The following ANGPT1 variants were observed in gnomAD, a reference collection of about 807,000 sequenced individuals.
ANGPT1 encodes the protein angiopoietin-1.
A neutral mutation model predicts 62.2 loss-of-function variants in ANGPT1; 17 were observed. The ratio of observed to expected loss-of-function variants is 0.27; its 90% confidence interval spans 0.19 to 0.41. The LOEUF (loss-of-function observed/expected upper bound fraction) is 0.41, where lower values mean the gene tolerates loss of function less well. Among genes scored for constraint, ANGPT1 ranks in the 10% least tolerant of loss-of-function variants. The pLI is 1.00. For synonymous variants in ANGPT1, 199 were observed against 198.9 expected (o/e 1.00, Z 0.00); for missense variants, 478 against 594.9 (o/e 0.80, Z 2.04).
At chr8:107,339,999 C>T (rs530916678) in intron 2 of ANGPT1, among the ~76,000 whole-genome samples, 8 of 152,274 alleles carry the variant, frequency 5.3e-5, no homozygotes, top group African/African-American at 1.7e-4. Context: ...ATCACCTTGA[C>T]CCCATTGCTG....
chr8:107,268,416 G>GTT lies in ANGPT1; in HGVS notation c.1206-4066_1206-4065insAA, dbSNP rs71888116. ...AATACACATGTAGGGTTGTGTGTGTGTGTGTGTGTGTGTGTGTGTGTGTGT... is the reference window on the plus strand; with the variant it reads ...AATACACATGTAGGGTTGTGTGTGTGTTTGTGTGTGTGTGTGTGTGTGTGTGT... On this transcript the variant is annotated intron_variant, in intron 7 of 8. Transcript: ENST00000517746. 2.9e-3 allele frequency among the ~76,000 whole-genome samples: 438 copies of GTT among 151,510 alleles called. 3 individuals carry two copies. Among genetic ancestry groups the GTT allele is most frequent in the African/African-American group, 8.1e-3 (337 of 41,354 alleles).
At chr8:107,305,165 T>C (rs1473978292) in intron 4 of ANGPT1, among the ~76,000 whole-genome samples, 1 of 151,910 alleles carries the variant, frequency 6.6e-6, no homozygotes, top group Non-Finnish European at 1.5e-5. Flanking sequence ...TGTTGGAAAG[T>C]TGAAAATAAG....
intron 3 of ANGPT1, among the ~76,000 whole-genome samples, chr8:107,333,982 G>GA (rs1563573914): frequency 7.3e-4 from 56 of 76,932 alleles, no homozygotes; most frequent in South Asian, 2.5e-3. Flanking sequence ...AGGAGGGAGG[G>GA]AGGGAGGGAG....
At chr8:107,453,459 G>A (rs1338065441) in intron 1 of ANGPT1, among the ~76,000 whole-genome samples, 3 of 151,870 alleles carry the variant, frequency 2.0e-5, no homozygotes, top group African/African-American at 7.3e-5. Context: ...GATGGCAGCA[G>A]GCAAAGAGAG....
At chr8:107,429,986 G>A (rs1178927254) in intron 1 of ANGPT1, among the ~76,000 whole-genome samples, 1 of 143,274 alleles carries the variant, frequency 7.0e-6, no homozygotes, top group African/African-American at 2.5e-5. Flanking sequence ...TGTCATGTGG[G>A]TGATTTTTCA....
chr8:107,312,762 C>A (rs1333909606), intron 4 of ANGPT1, among the ~76,000 whole-genome samples: 1 of 152,048 alleles, frequency 6.6e-6, no homozygotes, highest in Non-Finnish European at 1.5e-5. Context: ...GGATACCAGG[C>A]AAACTCTAAG....
At chr8:107,276,185 G>A (rs1813861592) in intron 7 of ANGPT1, among the ~76,000 whole-genome samples, 1 of 152,008 alleles carries the variant, frequency 6.6e-6, no homozygotes, top group Admixed American at 6.6e-5. Context: ...TCTGTTTTAG[G>A]AAGTAACCAC....
chr8:107,410,040 G>A (rs1410272301), intron 1 of ANGPT1, among the ~76,000 whole-genome samples: 1 of 152,110 alleles, frequency 6.6e-6, no homozygotes, highest in Non-Finnish European at 1.5e-5. Context: ...GGAAAGTTAT[G>A]CCAGACCCAG....
At chr8:107,258,179 T>C (rs796107390) in intron 8 of ANGPT1, among the ~76,000 whole-genome samples, 1 of 152,008 alleles carries the variant, frequency 6.6e-6, no homozygotes, top group South Asian at 2.1e-4. Context: ...GCTCTGTCAT[T>C]CTCTTTGAAT....
At chr8:107,347,619 A>G (rs1283825641) in intron 1 of ANGPT1, among the ~76,000 whole-genome samples, 1 of 152,158 alleles carries the variant, frequency 6.6e-6, no homozygotes, top group Non-Finnish European at 1.5e-5. Context: ...AAAATATCAC[A>G]CTGCTTTGGG....
rs879361431 is a variant in ANGPT1, at chr8:107,270,575, T to C, written c.1206-6224A>G. ...CTCTCCAATCCTACCCCCTTTCCAC[T>C]GAAAGAACTGGGCACCATTAGCCAA... On this transcript the variant is annotated intron_variant, in intron 7 of 8. Transcript: ENST00000517746. Among the ~76,000 whole-genome samples the C allele has an allele frequency of 5.3e-5, 8 of 152,114 alleles. No individual in the cohort carries two copies. In the East Asian group the frequency reaches 1.2e-3, roughly 22 times the overall value.
intron 7 of ANGPT1, among the ~76,000 whole-genome samples, chr8:107,272,925 G>T (rs949823948): frequency 6.8e-6 from 1 of 147,262 alleles, no homozygotes; most frequent in African/African-American, 2.5e-5. Flanking sequence ...AATGAATCAC[G>T]TGACACCAAG....
rs146458151 is a variant in ANGPT1, at chr8:107,315,301, T to C, written c.808+6595A>G. Among the ~76,000 whole-genome samples the C allele has an allele frequency of 5.3e-5, 8 of 152,296 alleles. No individual in the cohort carries two copies. The East Asian group carries it at 1.5e-3, about 29-fold the overall frequency. On this transcript the variant is annotated intron_variant, in intron 4 of 8. Transcript: ENST00000517746. Reference sequence around the variant, plus strand: ...ACTTCTTATGAGAGAATTAAGTATATAAACATGTTCTTGTCTCTCAGTACT... The same window carrying C: ...ACTTCTTATGAGAGAATTAAGTATACAAACATGTTCTTGTCTCTCAGTACT...
At chr8:107,350,963 T>C (rs1258568922) in intron 1 of ANGPT1, among the ~76,000 whole-genome samples, 1 of 152,134 alleles carries the variant, frequency 6.6e-6, no homozygotes, top group Non-Finnish European at 1.5e-5. Context: ...TGTAACAAAT[T>C]TGATTGTCTT....
At chr8:107,336,091 G>A (rs1815551075) in intron 3 of ANGPT1, 59 bp downstream of exon 3, 1 of 1,476,188 alleles carries the variant, frequency 6.8e-7, no homozygotes, top group Non-Finnish European at 9.0e-7. Context: ...AGTTGGCAGA[G>A]AGGTGAAGGA....
intron 7 of ANGPT1, among the ~76,000 whole-genome samples, chr8:107,265,972 A>G (rs1813604365): frequency 6.6e-6 from 1 of 152,196 alleles, no homozygotes; most frequent in East Asian, 1.9e-4. Context: ...GCCAGAGCAA[A>G]GTATACAAGT....
At chr8:107,451,780 C>T (rs1324627563) in intron 1 of ANGPT1, among the ~76,000 whole-genome samples, 1 of 151,804 alleles carries the variant, frequency 6.6e-6, no homozygotes, top group Non-Finnish European at 1.5e-5. Flanking sequence ...GTTTCACTGA[C>T]CTGAGTATCA....
chr8:107,342,797 AC>A (rs1815721605), intron 2 of ANGPT1, among the ~76,000 whole-genome samples: 1 of 72,402 alleles, frequency 1.4e-5, no homozygotes, highest in Non-Finnish European at 3.1e-5. Flanking sequence ...ACACACACAC[AC>A]ACACACACAC....
At chr8:107,289,859 G>C (rs1017745376) in intron 6 of ANGPT1, among the ~76,000 whole-genome samples, 20 of 152,216 alleles carry the variant, frequency 1.3e-4, no homozygotes, top group African/African-American at 4.3e-4. Flanking sequence ...GTACTATCTG[G>C]AACTCCTAGC....
Sources: allele counts gnomAD v4.1 joint callset (sites outside exome capture counted in the v4.1 genomes callset), GRCh38; gene constraint gnomAD v4.1.1; transcripts MANE v1.5; gene names NCBI Gene and HGNC (gene_info 2026-07-23, HGNC 2026-07-21).